Variants in SMOC2 observed in about 807,000 individuals in gnomAD.
SMOC2 encodes the protein SPARC-related modular calcium-binding protein 2.
Under a neutral mutation model 61.4 loss-of-function variants are expected in SMOC2, and 39 were observed. The observed-to-expected ratio is 0.64, with a 90% CI of 0.49 to 0.83. The LOEUF (loss-of-function observed/expected upper bound fraction) is 0.83, where lower values mean the gene tolerates loss of function less well. Among genes scored for constraint, SMOC2 ranks in the 40% least tolerant of loss-of-function variants. The pLI is 0.00. For missense variants in SMOC2, 556 were observed against 592.9 expected (o/e 0.94, Z 0.65); for synonymous variants, 247 against 239.9 (o/e 1.03, Z -0.27).
intron 5 of SMOC2, among the ~76,000 whole-genome samples, chr6:168,545,321 C>G (rs1182227281): frequency 1.3e-5 from 2 of 152,050 alleles, no homozygotes; most frequent in Non-Finnish European, 2.9e-5. Context: ...AAAGAACACA[C>G]CCCCCACTTT....
chr6:168,666,319 C>G, intron 12 of SMOC2, 102 bp from the exon 13 acceptor site: 1 of 1,389,074 alleles, frequency 7.2e-7, no homozygotes, highest in Non-Finnish European at 1.0e-6. Flanking sequence ...CTGCCCAGCC[C>G]TCTTTGGTTC....
chr6:168,647,258 A>G (rs1465938148), intron 9 of SMOC2, among the ~76,000 whole-genome samples: 1 of 152,184 alleles, frequency 6.6e-6, no homozygotes, highest in African/African-American at 2.4e-5. Context: ...ATGACGCAGT[A>G]TTTACAGGGG....
chr6:168,509,393 T>C (rs578240494), intron 1 of SMOC2, among the ~76,000 whole-genome samples: 1 of 152,300 alleles, frequency 6.6e-6, no homozygotes, highest in Admixed American at 6.5e-5. Flanking sequence ...TCTAGTCCAA[T>C]TGAATGTAGA....
intron 9 of SMOC2, among the ~76,000 whole-genome samples, chr6:168,645,792 G>T (rs1787014410): frequency 6.6e-6 from 1 of 152,156 alleles, no homozygotes; most frequent in Non-Finnish European, 1.5e-5. Context: ...CTTTTCTCAG[G>T]TGGCTGACCT....
chr6:168,543,431 T>G (rs922481346), intron 4 of SMOC2, among the ~76,000 whole-genome samples, 194 bp from the exon 5 acceptor site: 1 of 152,222 alleles, frequency 6.6e-6, no homozygotes, highest in Non-Finnish European at 1.5e-5. Context: ...ATCTTTTGTT[T>G]CTGAGTCCAG....
At position 168,599,393 on chromosome 6, in the gene SMOC2, C is replaced by CTG. The variant is rs1407617683; in HGVS notation, c.824+389_824+390insTG. ...CATACCACACACACCCACACTCACA[C>CTG]ACACACTGACACACACACATTCATA... is the stretch of plus-strand genomic sequence containing the variant. On this transcript the variant is annotated intron_variant, in intron 8 of 12. Coordinates refer to ENST00000356284, the MANE Select transcript of SMOC2 (RefSeq NM_001166412.2). 2.5e-3 allele frequency among the ~76,000 whole-genome samples: 242 copies of CTG among 97,138 alleles called. 1 individual carries two copies. Among genetic ancestry groups the CTG allele is most frequent in the African/African-American group, 8.3e-3 (235 of 28,354 alleles). 63.7% of individuals were successfully genotyped at this position (97,138 alleles called of 152,430 possible). A position where few individuals can be genotyped will look rare whatever the true frequency, so the allele number is the denominator to read the frequency against.
chr6:168,469,244 G>A (rs1583038515), intron 1 of SMOC2, among the ~76,000 whole-genome samples: 1 of 152,342 alleles, frequency 6.6e-6, no homozygotes, highest in South Asian at 2.1e-4. Context: ...CCTTGCCACT[G>A]CTCCCTGAAG....
rs764473130 is a variant in SMOC2, at chr6:168,598,932, G to A, written c.752G>A (p.Cys251Tyr). The A allele has an allele frequency of 6.2e-7, 1 of 1,613,704 alleles. No homozygotes were observed. Among genetic ancestry groups the A allele is most frequent in the Non-Finnish European group, 8.5e-7 (1 of 1,179,756 alleles). Residue 251 changes from cysteine (C) to tyrosine (Y), a missense_variant, in exon 8 of 13, where the codon TGC becomes TAC. Transcript: ENST00000356284. ...AHGGLYKPVQCHPSTGYCWCV... is the reference protein window; with the variant it reads ...AHGGLYKPVQYHPSTGYCWCV... ...GGCGGCCTCTACAAGCCAGTGCAGT[G>A]CCACCCCTCCACGGGGTACTGCTGG...
chr6:168,502,673 G>A (rs902504109), intron 1 of SMOC2, among the ~76,000 whole-genome samples: 3 of 152,154 alleles, frequency 2.0e-5, no homozygotes, highest in African/African-American at 7.2e-5. Context: ...ACTAAGACAA[G>A]CTGCCTTTGA....
intron 9 of SMOC2, among the ~76,000 whole-genome samples, chr6:168,640,852 G>C (rs1320626578): frequency 1.3e-5 from 2 of 152,192 alleles, no homozygotes; most frequent in South Asian, 2.1e-4. Context: ...GGGAAAGAAA[G>C]AGACAAAAAC....
intron 1 of SMOC2, among the ~76,000 whole-genome samples, chr6:168,509,512 A>G (rs1054868801): frequency 6.6e-6 from 1 of 152,164 alleles, no homozygotes; most frequent in Non-Finnish European, 1.5e-5. Context: ...CGTCACTTCC[A>G]AAAGAATGGT....
chr6:168,495,573 A>G (rs1782568312), intron 1 of SMOC2, among the ~76,000 whole-genome samples: 1 of 152,134 alleles, frequency 6.6e-6, no homozygotes, highest in Admixed American at 6.5e-5. Flanking sequence ...TGAAGTTCGC[A>G]ATGCCCGGGA....
chr6:168,615,023 A>G (rs143023821), intron 9 of SMOC2, among the ~76,000 whole-genome samples: 11 of 52,056 alleles, frequency 2.1e-4, no homozygotes, highest in Non-Finnish European at 3.5e-4. Context: ...ACCTACAGCC[A>G]GCACAGGGCC....
intron 1 of SMOC2, among the ~76,000 whole-genome samples, chr6:168,460,138 G>A (rs1781688163): frequency 1.3e-5 from 2 of 152,192 alleles, no homozygotes; most frequent in Non-Finnish European, 1.5e-5. Context: ...TACTGCATTT[G>A]CCCACTTATG....
In SMOC2 at chr6:168,570,386, C is replaced by T. The variant is rs147020615; in HGVS notation, c.637+21183C>T. Among the ~76,000 whole-genome samples, 626 of 152,064 alleles carry T rather than the reference C, an allele frequency of 4.1e-3. 4 individuals are homozygous for T. Among genetic ancestry groups the T allele is most frequent in the African/African-American group, 0.014 (588 of 41,472 alleles). On this transcript the variant is annotated intron_variant, in intron 7 of 12. Coordinates refer to ENST00000356284, the MANE Select transcript of SMOC2 (RefSeq NM_001166412.2). ...TCAGGCTGAGGCCCACCGCGGGGGC[C>T]GACTGTGGGAGGAACGTCTTGCCCA...
intron 7 of SMOC2, among the ~76,000 whole-genome samples, chr6:168,590,760 T>A (rs1411454096): frequency 1.3e-5 from 2 of 152,322 alleles, no homozygotes; most frequent in East Asian, 3.9e-4. Context: ...ATTTAAGAGT[T>A]TTTTTAATGT....
intron 9 of SMOC2, among the ~76,000 whole-genome samples, chr6:168,638,353 G>A (rs1328598188): frequency 2.0e-5 from 3 of 152,174 alleles, no homozygotes; most frequent in African/African-American, 7.2e-5. Flanking sequence ...ATTTTGTTAG[G>A]TTGGGAACAT....
intron 9 of SMOC2, among the ~76,000 whole-genome samples, chr6:168,611,141 G>A (rs1321677460): frequency 6.6e-6 from 1 of 152,248 alleles, no homozygotes; most frequent in Non-Finnish European, 1.5e-5. Context: ...GGAGAACCAG[G>A]CACTTGCATT....
intron 7 of SMOC2, among the ~76,000 whole-genome samples, chr6:168,589,763 G>T (rs111901352): frequency 6.9e-4 from 56 of 80,808 alleles, no homozygotes; most frequent in South Asian, 1.2e-3. Context: ...CATTAGTTTA[G>T]GGGGCAGCCG....
Sources: allele counts gnomAD v4.1 joint callset (sites outside exome capture counted in the v4.1 genomes callset), GRCh38; gene constraint gnomAD v4.1.1; transcripts MANE v1.5; gene names NCBI Gene and HGNC (gene_info 2026-07-23, HGNC 2026-07-21).